GRIK2: variants seen among roughly 807,000 people sequenced by gnomAD.
GRIK2 encodes the protein glutamate ionotropic receptor kainate type subunit 2.
A neutral mutation model predicts 100.3 loss-of-function variants in GRIK2; 32 were observed. The ratio of observed to expected loss-of-function variants is 0.32; its 90% confidence interval spans 0.24 to 0.43. GRIK2 has a LOEUF of 0.43. Among genes scored for constraint, GRIK2 ranks in the 20% least tolerant of loss-of-function variants. The pLI is 1.00. For missense variants in GRIK2, 843 were observed against 1,114.9 expected, an observed-to-expected ratio of 0.76 and a Z score of 3.47; for synonymous variants, 417 against 389.4, an observed-to-expected ratio of 1.07 and a Z score of -0.83.
At chr6:101,632,647 T>C (rs952176210) in intron 4 of GRIK2, among the ~76,000 whole-genome samples, 3 of 152,122 alleles carry the variant, frequency 2.0e-5, no homozygotes, top group Non-Finnish European at 2.9e-5. Flanking sequence ...TATATGTGAG[T>C]ATATACATAT....
intron 2 of GRIK2, among the ~76,000 whole-genome samples, chr6:101,434,041 G>A (rs1769575139): frequency 6.6e-6 from 1 of 152,268 alleles, no homozygotes; most frequent in East Asian, 1.9e-4. Flanking sequence ...CGCTGACACG[G>A]GTATAGATGT....
At chr6:101,395,926 A>G (rs555411060) in intron 1 of GRIK2, among the ~76,000 whole-genome samples, 7 of 152,200 alleles carry the variant, frequency 4.6e-5, no homozygotes, top group South Asian at 2.1e-4. Context: ...TAAAATGAGG[A>G]AAAAAATGAG....
rs536487697 is a variant in GRIK2, at chr6:101,790,729, G to A, written c.952-8919G>A. ...GGATGATGCGGGCCTCATAAAATGA[G>A]TTAGGGAGGATTCCCTCTTTTTCTA... is the stretch of plus-strand genomic sequence containing the variant. On this transcript the variant is annotated intron_variant, in intron 7 of 16. Transcript: ENST00000369134. Among the ~76,000 whole-genome samples, 824 of 151,280 alleles carry A rather than the reference G, an allele frequency of 5.4e-3. 7 individuals carry two copies. The highest frequency in any genetic ancestry group is 0.019 in the African/African-American group (789 of 40,908).
chr6:101,541,376 C>CCCACACACACACACACA (rs1554217240), intron 2 of GRIK2, among the ~76,000 whole-genome samples: 134 of 5,592 alleles, frequency 0.024, 2 homozygotes, highest in African/African-American at 0.034. Context: ...GCGCACACAA[C>CCCACACACACACACACA]CACACACACA....
chr6:101,604,147 G>T (rs1027308696), intron 2 of GRIK2, among the ~76,000 whole-genome samples: 1 of 151,514 alleles, frequency 6.6e-6, no homozygotes, highest in East Asian at 1.9e-4. Context: ...AGTAGAAAAG[G>T]TTAGTTACAA....
chr6:102,028,827 T>C (rs1769839646), intron 14 of GRIK2, among the ~76,000 whole-genome samples: 1 of 150,872 alleles, frequency 6.6e-6, no homozygotes, highest in African/African-American at 2.4e-5. Context: ...CTATTTTCAC[T>C]TTTTTTTAAG....
intron 4 of GRIK2, among the ~76,000 whole-genome samples, chr6:101,634,897 T>C (rs1461254217): frequency 6.6e-6 from 1 of 152,102 alleles, no homozygotes; most frequent in Non-Finnish European, 1.5e-5. Flanking sequence ...TTGCTTTAGA[T>C]ACATTTTTGT....
intron 4 of GRIK2, among the ~76,000 whole-genome samples, chr6:101,659,300 G>A (rs865837101): frequency 6.6e-6 from 1 of 152,032 alleles, no homozygotes; most frequent in Non-Finnish European, 1.5e-5. Context: ...TTTTTGTCAG[G>A]TTTGTCCAGA....
intron 14 of GRIK2, among the ~76,000 whole-genome samples, chr6:101,955,631 T>G (rs2128480638): frequency 7.1e-6 from 1 of 140,734 alleles, no homozygotes; most frequent in South Asian, 2.5e-4. Flanking sequence ...CCATTTCTTT[T>G]ACAGTCAGAT....
At chr6:101,702,796 A>G (rs1162734548) in intron 7 of GRIK2, among the ~76,000 whole-genome samples, 1 of 151,876 alleles carries the variant, frequency 6.6e-6, no homozygotes, top group Non-Finnish European at 1.5e-5. Flanking sequence ...AGGTAGCCAT[A>G]CAAATATTGA....
intron 2 of GRIK2, among the ~76,000 whole-genome samples, chr6:101,579,566 A>G (rs571678489): frequency 1.3e-4 from 19 of 151,598 alleles, no homozygotes; most frequent in Middle Eastern, 3.4e-3. Context: ...TAAAAGATAC[A>G]TTTGGGCCGG....
intron 14 of GRIK2, among the ~76,000 whole-genome samples, chr6:101,983,323 G>A (rs571661630): frequency 6.6e-6 from 1 of 151,884 alleles, no homozygotes; most frequent in East Asian, 1.9e-4. Context: ...TTGCATGTTA[G>A]TTTAAGCATT....
intron 14 of GRIK2, among the ~76,000 whole-genome samples, chr6:101,984,650 CA>C: frequency 6.6e-6 from 1 of 150,686 alleles, no homozygotes; most frequent in African/African-American, 2.4e-5. Flanking sequence ...CACACACACA[CA>C]CACACCCTTC....
chr6:101,569,395 C>T (rs72959137), intron 2 of GRIK2, among the ~76,000 whole-genome samples: 12,246 of 151,604 alleles, frequency 0.081, 574 homozygotes, highest in African/African-American at 0.11. Flanking sequence ...ATGATCCAAA[C>T]GGAACTACAT....
chr6:101,552,090 T>A (rs916440572), intron 2 of GRIK2, among the ~76,000 whole-genome samples: 2 of 152,048 alleles, frequency 1.3e-5, no homozygotes, highest in African/African-American at 4.8e-5. Context: ...TTTTTCAGTA[T>A]CATGACTAGA....
At chr6:101,941,113 T>C (rs1422169810) in intron 14 of GRIK2, among the ~76,000 whole-genome samples, 2 of 152,142 alleles carry the variant, frequency 1.3e-5, no homozygotes, top group East Asian at 3.9e-4. Context: ...GAATATTTTA[T>C]GTAGGTGAAA....
At chr6:101,401,323 A>G (rs879392402) in intron 2 of GRIK2, among the ~76,000 whole-genome samples, 12 of 152,194 alleles carry the variant, frequency 7.9e-5, no homozygotes, top group Non-Finnish European at 1.6e-4. Flanking sequence ...CATATTAAAA[A>G]TCTTGGCGAC....
intron 14 of GRIK2, among the ~76,000 whole-genome samples, chr6:101,992,302 T>C (rs1472996392): frequency 6.6e-6 from 1 of 151,548 alleles, no homozygotes; most frequent in Non-Finnish European, 1.5e-5. Flanking sequence ...AATAGATTGC[T>C]CTACGTTCTC....
chr6:101,397,920 A>T (rs1029920489), intron 1 of GRIK2, among the ~76,000 whole-genome samples: 1 of 152,166 alleles, frequency 6.6e-6, no homozygotes, highest in South Asian at 2.1e-4. Context: ...GTAAAATATT[A>T]AAATTGTATA....
Sources: allele counts gnomAD v4.1 joint callset (sites outside exome capture counted in the v4.1 genomes callset), GRCh38; gene constraint gnomAD v4.1.1; transcripts MANE v1.5; gene names NCBI Gene and HGNC (gene_info 2026-07-23, HGNC 2026-07-21).